The following GLI2 variants were observed in gnomAD, a reference collection of about 807,000 sequenced individuals.
GLI2 encodes the protein GLI family zinc finger 2.
GLI2 carries 22 observed loss-of-function variants against 78.9 expected under a neutral mutation model. The ratio of observed to expected loss-of-function variants is 0.28; its 90% confidence interval spans 0.20 to 0.40. The LOEUF (loss-of-function observed/expected upper bound fraction) is 0.40, where lower values mean the gene tolerates loss of function less well. Among genes scored for constraint, GLI2 ranks in the 10% least tolerant of loss-of-function variants. The pLI, the probability that GLI2 is intolerant of heterozygous loss-of-function variation, is 1.00. For synonymous variants in GLI2, 974 were observed against 963.7 expected (o/e 1.01, Z -0.20); for missense variants, 2,097 against 2,213.2 (o/e 0.95, Z 1.05).
chr2:120,839,230 C>T (rs945840058), intron 2 of GLI2, among the ~76,000 whole-genome samples: 12 of 151,990 alleles, frequency 7.9e-5, no homozygotes, highest in African/African-American at 1.2e-4. Flanking sequence ...TATATGTCAA[C>T]GATATGTTAA....
intron 2 of GLI2, among the ~76,000 whole-genome samples, chr2:120,870,363 A>C (rs931370284): frequency 6.6e-6 from 1 of 152,228 alleles, no homozygotes; most frequent in African/African-American, 2.4e-5. Context: ...TTGCATCATC[A>C]GTTCAGGAGA....
intron 5 of GLI2, among the ~76,000 whole-genome samples, chr2:120,968,014 T>C (rs1389641629): frequency 6.6e-6 from 1 of 152,168 alleles, no homozygotes. Context: ...TGATTCCAGG[T>C]ACAACGTGAC....
chr2:120,769,518 G>A (rs1341383390), intron 1 of GLI2, among the ~76,000 whole-genome samples: 1 of 152,210 alleles, frequency 6.6e-6, no homozygotes, highest in Admixed American at 6.5e-5. Flanking sequence ...CCAGCTACTG[G>A]GGAGTTGTCC....
chr2:120,802,792 G>A (rs1387321598), intron 2 of GLI2, among the ~76,000 whole-genome samples: 2 of 152,164 alleles, frequency 1.3e-5, no homozygotes, highest in Non-Finnish European at 2.9e-5. Context: ...ACCTGCAATG[G>A]CCAACGCCCA....
chr2:120,879,547 G>T (rs1351272417), intron 2 of GLI2, among the ~76,000 whole-genome samples: 1 of 152,172 alleles, frequency 6.6e-6, no homozygotes, highest in Non-Finnish European at 1.5e-5. Context: ...GAGGAGGATG[G>T]TGTCCACAGT....
intron 2 of GLI2, among the ~76,000 whole-genome samples, chr2:120,835,987 A>C (rs1686593497): frequency 6.6e-6 from 1 of 152,136 alleles, no homozygotes; most frequent in Non-Finnish European, 1.5e-5. Context: ...TGCATTGTTT[A>C]TAGAGAATTC....
chr2:120,875,991 G>T (rs1688717792), intron 2 of GLI2, among the ~76,000 whole-genome samples: 1 of 152,182 alleles, frequency 6.6e-6, no homozygotes, highest in Non-Finnish European at 1.5e-5. Flanking sequence ...AGTAGGCAGT[G>T]CTGAGACAAT....
In GLI2 at chr2:120,785,081, G is replaced by A. The variant is rs556452614; in HGVS notation, c.-30-12210G>A. On this transcript the variant is annotated intron_variant, in intron 1 of 13. Transcript: ENST00000361492. ...CAAACCCTCCTGGCCTCCTTGAGCCGGCGCATGTCCAGGCTGCAGCAGACC... is the reference window on the plus strand; with the variant it reads ...CAAACCCTCCTGGCCTCCTTGAGCCAGCGCATGTCCAGGCTGCAGCAGACC... 7.2e-5 allele frequency among the ~76,000 whole-genome samples: 11 copies of A among 152,296 alleles called. 2 individuals carry two copies. Among genetic ancestry groups the A allele is most frequent in the African/African-American group, 2.4e-4 (10 of 41,568 alleles).
At chr2:120,956,681 C>T (rs1225268967) in intron 5 of GLI2, among the ~76,000 whole-genome samples, 3 of 152,080 alleles carry the variant, frequency 2.0e-5, no homozygotes, top group African/African-American at 4.8e-5. Flanking sequence ...CCTGGGGTGG[C>T]GTTTTCACTC....
At chr2:120,792,826 T>C (rs1684211075) in intron 1 of GLI2, among the ~76,000 whole-genome samples, 1 of 152,190 alleles carries the variant, frequency 6.6e-6, no homozygotes, top group Admixed American at 6.5e-5. Context: ...TTTCATCATG[T>C]TGGTCAAGAC....
In GLI2 at chr2:120,982,873, C is replaced by G. The variant is rs1682778993; in HGVS notation, c.1625C>G (p.Ser542Cys). The G allele has an allele frequency of 6.2e-7, 1 of 1,613,838 alleles. No homozygotes were observed. Among genetic ancestry groups the G allele is most frequent in the Admixed American group, 1.7e-5 (1 of 59,982 alleles). ...GCCAAGCACCAGAATCGCACCCACT[C>G]CAACGAGGTACCTCTGCGGGGCATG... is the stretch of plus-strand genomic sequence containing the variant. Reference protein sequence around the residue: ...DRAKHQNRTHSNEKPYICKIP... With the variant: ...DRAKHQNRTHCNEKPYICKIP... The change falls in exon 11 of 14, where the codon TCC becomes TGC. Residue 542 changes from serine (S) to cysteine (C), a missense_variant. Ser to Cys is a moderately radical substitution (Grantham distance 112, BLOSUM62 -1). Coordinates refer to ENST00000361492, the MANE Select transcript of GLI2 (RefSeq NM_001374353.1).
At chr2:120,846,991 C>G (rs1309919849) in intron 2 of GLI2, among the ~76,000 whole-genome samples, 2 of 151,944 alleles carry the variant, frequency 1.3e-5, no homozygotes, top group Non-Finnish European at 2.9e-5. Context: ...TGGCCTGTGG[C>G]AAGAGCTCAG....
chr2:120,805,749 A>C (rs1336819552), intron 2 of GLI2, among the ~76,000 whole-genome samples: 1 of 152,224 alleles, frequency 6.6e-6, no homozygotes, highest in Admixed American at 6.5e-5. Context: ...GACTGTGTTT[A>C]TGTTGGAAAC....
rs994841828 is a variant in GLI2 at position 120,769,216 on chromosome 2, C to T, written c.-30-28075C>T. Among the ~76,000 whole-genome samples the T allele has an allele frequency of 5.3e-5, 8 of 152,198 alleles. 1 individual carries two copies. The highest frequency in any genetic ancestry group is 1.0e-4 in the Non-Finnish European group (7 of 68,044). On this transcript the variant is annotated intron_variant, in intron 1 of 13. Coordinates refer to ENST00000361492, the MANE Select transcript of GLI2 (RefSeq NM_001374353.1). The stretch of plus-strand genomic sequence containing the variant: ...CACTAGCTCCCGCCGCCAGTGTTGA[C>T]TGAATGAAAGGACAAAGCTGTAGAT...
At chr2:120,746,837 C>T (rs1228946346) in intron 1 of GLI2, among the ~76,000 whole-genome samples, 1 of 152,078 alleles carries the variant, frequency 6.6e-6, no homozygotes, top group Non-Finnish European at 1.5e-5. Context: ...TCTATCCTTT[C>T]TTACAAAATT....
At chr2:120,784,045 T>G (rs1222130398) in intron 1 of GLI2, among the ~76,000 whole-genome samples, 1 of 152,180 alleles carries the variant, frequency 6.6e-6, no homozygotes, top group East Asian at 1.9e-4. Context: ...AGCTGTCTAC[T>G]GGGTGGCAGC....
chr2:120,786,235 T>C (rs747146353), intron 1 of GLI2, among the ~76,000 whole-genome samples: 52 of 152,342 alleles, frequency 3.4e-4, no homozygotes, highest in Non-Finnish European at 6.9e-4. Context: ...CCCTGTAGCT[T>C]GCCCAGAGTC....
intron 1 of GLI2, among the ~76,000 whole-genome samples, chr2:120,789,081 G>T (rs1684077354): frequency 6.7e-6 from 1 of 148,628 alleles, no homozygotes. Context: ...CGCCAGGCTG[G>T]AGTGTAGCGA....
At chr2:120,972,341 T>C (rs1358825284) in intron 8 of GLI2, among the ~76,000 whole-genome samples, 1 of 152,236 alleles carries the variant, frequency 6.6e-6, no homozygotes, top group Non-Finnish European at 1.5e-5. Flanking sequence ...TCAGGCTGCA[T>C]CTGTCTCTCT....
Sources: allele counts gnomAD v4.1 joint callset (sites outside exome capture counted in the v4.1 genomes callset), GRCh38; gene constraint gnomAD v4.1.1; transcripts MANE v1.5; gene names NCBI Gene and HGNC (gene_info 2026-07-23, HGNC 2026-07-21).